PCDHGB2: variants seen among roughly 807,000 people sequenced by gnomAD.
PCDHGB2 encodes protocadherin gamma subfamily B, 2.
In PCDHGB2, 55 loss-of-function variants were observed where a neutral mutation model predicts 59.3. The observed-to-expected ratio is 0.93, with a 90% CI of 0.75 to 1.16. The LOEUF (loss-of-function observed/expected upper bound fraction) is 1.16, where lower values mean the gene tolerates loss of function less well. PCDHGB2 is among the 50% of genes most tolerant of loss of function. The pLI is 0.00. For missense variants in PCDHGB2, 1,228 were observed against 1,198.5 expected, an observed-to-expected ratio of 1.02 and a Z score of -0.36; for synonymous variants, 516 against 512.0, an observed-to-expected ratio of 1.01 and a Z score of -0.11.
chr5:141,382,940 T>A, intron 1 of PCDHGB2: 1 of 1,595,270 alleles, frequency 6.3e-7, no homozygotes, highest in Non-Finnish European at 8.6e-7. Flanking sequence ...AGAGGATTCT[T>A]CCTGCTCTCC....
rs1014758036 is a variant in PCDHGB2 at position 141,486,472 on chromosome 5, T to C, written c.2422-8335T>C. The C allele has an allele frequency of 6.2e-7, 1 of 1,614,032 alleles. No homozygotes were observed. Among genetic ancestry groups the C allele is most frequent in the Non-Finnish European group, 8.5e-7 (1 of 1,179,862 alleles). ...TCACTGCTTCTGATGCTGGGAACCC[T>C]CCTCTCAGTACCCACAGAACTATTT... On this transcript the variant is annotated intron_variant, in intron 1 of 3. Coordinates refer to ENST00000522605, the MANE Select transcript of PCDHGB2 (RefSeq NM_018923.3). This position sits in a 1 kb window ranked among gnomAD's most constrained non-coding sequence, Gnocchi z 5.0.
intron 2 of PCDHGB2, among the ~76,000 whole-genome samples, chr5:141,496,856 G>A (rs1324235700): frequency 6.7e-6 from 1 of 150,206 alleles, no homozygotes; most frequent in African/African-American, 2.5e-5. Context: ...CAGACCAGCA[G>A]AGGAGACTGA....
intron 1 of PCDHGB2, chr5:141,415,513 G>A: frequency 6.2e-7 from 1 of 1,614,214 alleles, no homozygotes; most frequent in East Asian, 2.2e-5. Context: ...GCCCAATTAT[G>A]CGGACACGCT....
At chr5:141,407,453 C>G (rs914537742) in intron 1 of PCDHGB2, among the ~76,000 whole-genome samples, 18 of 148,834 alleles carry the variant, frequency 1.2e-4, no homozygotes, top group African/African-American at 4.4e-4. Flanking sequence ...ACACGAGGCT[C>G]ACCAGACAGA....
In PCDHGB2 at chr5:141,493,668, GC is replaced by G. The variant is rs1178535601; in HGVS notation, c.2422-1135del. On this transcript the variant is annotated intron_variant, in intron 1 of 3. Coordinates refer to ENST00000522605, the MANE Select transcript of PCDHGB2 (RefSeq NM_018923.3). This position sits in a 1 kb window ranked among gnomAD's most constrained non-coding sequence, Gnocchi z 4.3. ...CATCCCTGTGCCCTTCTCCATGGCAGCCCCAGAATGGTGCTGGTGACTCCCG... is the reference window on the plus strand; with the variant it reads ...CATCCCTGTGCCCTTCTCCATGGCAGCCCAGAATGGTGCTGGTGACTCCCG... Among the ~76,000 whole-genome samples the G allele has an allele frequency of 6.6e-6, 1 of 152,140 alleles. No individual in the cohort carries two copies. The highest frequency in any genetic ancestry group is 2.4e-5 in the African/African-American group (1 of 41,422).
intron 1 of PCDHGB2, chr5:141,419,610 C>G: frequency 1.9e-6 from 3 of 1,612,130 alleles, no homozygotes; most frequent in Middle Eastern, 1.8e-4. Flanking sequence ...GCCGCGCAGC[C>G]AGGCTACCTG....
intron 1 of PCDHGB2, among the ~76,000 whole-genome samples, chr5:141,401,278 G>T (rs1355696847): frequency 6.6e-6 from 1 of 152,160 alleles, no homozygotes; most frequent in Non-Finnish European, 1.5e-5. Context: ...GCAGGTGGAG[G>T]TTGCGGTGAG....
chr5:141,487,933 A>ACCCTGTG lies in PCDHGB2; in HGVS notation c.2422-6873_2422-6872insCCTGTGC. 1.6e-6 allele frequency: 1 copy of ACCCTGTG among 612,004 alleles called. No individual in the cohort carries two copies. The highest frequency in any genetic ancestry group is 1.8e-5 in the African/African-American group (1 of 54,216). The allele number at this position is 612,004 out of a possible 1,614,324, so 37.9% of individuals were successfully genotyped here. On this transcript the variant is annotated intron_variant, in intron 1 of 3. Coordinates refer to ENST00000522605, the MANE Select transcript of PCDHGB2 (RefSeq NM_018923.3). The surrounding 1 kb of genome is among the most constrained non-coding windows in gnomAD (Gnocchi z 5.0). ...CACAGGAGGCTACAGTGCACAGGGT[A>ACCCTGTG]CAGTGCACCAGGCAGTCACTTGGAC... is the stretch of plus-strand genomic sequence containing the variant.
chr5:141,433,164 A>G, intron 1 of PCDHGB2: 3 of 1,613,600 alleles, frequency 1.9e-6, no homozygotes, highest in Non-Finnish European at 2.5e-6. Context: ...TTTTCTAAAG[A>G]CAGTCATGGG....
Position 141,511,253 on chromosome 5 carries a change from A to G in PCDHGB2, c.*80A>G. The G allele has an allele frequency of 1.3e-6, 2 of 1,568,402 alleles. No homozygotes were observed. The highest frequency in any genetic ancestry group is 1.7e-6 in the Non-Finnish European group (2 of 1,157,066). On this transcript the variant is annotated 3_prime_UTR_variant, in exon 4 of 4. Coordinates refer to ENST00000522605, the MANE Select transcript of PCDHGB2 (RefSeq NM_018923.3). ...CTCCTTACCTGCACCCAGGCCTCAG[A>G]GTTTCAGGGCTAACCCCCAGAATAC...
At chr5:141,403,039 T>A (rs989723883) in intron 1 of PCDHGB2, 64 of 1,614,050 alleles carry the variant, frequency 4.0e-5, no homozygotes, top group Non-Finnish European at 5.4e-5. Context: ...CCAGGGCCAG[T>A]CAGATTCGCT....
Position 141,485,567 on chromosome 5 carries a change from C to G in PCDHGB2, c.2422-9240C>G. The stretch of plus-strand genomic sequence containing the variant: ...CGTAGATGTGAATGATCACGCCCCC[C>G]GTTTTCCGCGGCAGCAGCTGGACTT... On this transcript the variant is annotated intron_variant, in intron 1 of 3. Transcript: ENST00000522605. This position sits in a 1 kb window ranked among gnomAD's most constrained non-coding sequence, Gnocchi z 5.7. 1 of 1,612,882 alleles carries G rather than the reference C, an allele frequency of 6.2e-7. No individual in the cohort carries two copies. The highest frequency in any genetic ancestry group is 8.5e-7 in the Non-Finnish European group (1 of 1,178,978).
intron 1 of PCDHGB2, chr5:141,377,130 G>A (rs1432999287): frequency 6.6e-6 from 1 of 152,218 alleles, no homozygotes; most frequent in Non-Finnish European, 1.5e-5. Flanking sequence ...TTAATTTTGT[G>A]GGGGAAAATA....
At chr5:141,482,366 AT>A (rs1425349819) in intron 1 of PCDHGB2, among the ~76,000 whole-genome samples, 1 of 152,150 alleles carries the variant, frequency 6.6e-6, no homozygotes, top group Non-Finnish European at 1.5e-5. Flanking sequence ...GTGAAAAGTA[AT>A]GCATATAAAG....
At chr5:141,413,841 T>C (rs1481867404) in intron 1 of PCDHGB2, 1 of 1,613,060 alleles carries the variant, frequency 6.2e-7, no homozygotes, top group Admixed American at 1.7e-5. Context: ...CCGACGGGGG[T>C]GACCCTCTCC....
intron 1 of PCDHGB2, among the ~76,000 whole-genome samples, chr5:141,407,274 A>G (rs763803896): frequency 2.0e-5 from 3 of 152,232 alleles, no homozygotes; most frequent in Non-Finnish European, 2.9e-5. Context: ...GCAACAAGAA[A>G]ATTGTTACAA....
intron 1 of PCDHGB2, chr5:141,410,140 G>C: frequency 6.2e-7 from 1 of 1,612,782 alleles, no homozygotes; most frequent in Non-Finnish European, 8.5e-7. Context: ...TGGTCGCTGT[G>C]CGTGACGGTG....
At chr5:141,364,875 T>C (rs909012191) in intron 1 of PCDHGB2, 1 of 1,613,818 alleles carries the variant, frequency 6.2e-7, no homozygotes, top group Non-Finnish European at 8.5e-7. Flanking sequence ...TCTCTGGATG[T>C]GGTAAGCGGA....
chr5:141,421,614 T>C (rs552534116), intron 1 of PCDHGB2: 3 of 1,613,810 alleles, frequency 1.9e-6, no homozygotes, highest in South Asian at 2.2e-5. Flanking sequence ...ATATTAATGA[T>C]AACGCCCCCA....
Sources: allele counts gnomAD v4.1 joint callset (sites outside exome capture counted in the v4.1 genomes callset), GRCh38; gene constraint gnomAD v4.1.1; non-coding constraint Gnocchi (gnomAD v3.1); transcripts MANE v1.5; gene names NCBI Gene and HGNC (gene_info 2026-07-23, HGNC 2026-07-21).